Variants in MCF2L2 observed in about 807,000 individuals in gnomAD.
MCF2L2 encodes the protein probable guanine nucleotide exchange factor MCF2L2.
Under a neutral mutation model 150.2 loss-of-function variants are expected in MCF2L2, and 102 were observed. The ratio of observed to expected loss-of-function variants is 0.68; its 90% CI spans 0.58 to 0.80. MCF2L2 has a LOEUF of 0.80. Among genes scored for constraint, MCF2L2 ranks in the 30% least tolerant of loss-of-function variants. The pLI is 0.00. For missense variants in MCF2L2, 1,256 were observed against 1,372.8 expected, an observed-to-expected ratio of 0.91 and a Z score of 1.34; for synonymous variants, 465 against 491.3, an observed-to-expected ratio of 0.95 and a Z score of 0.71.
intron 5 of MCF2L2, among the ~76,000 whole-genome samples, chr3:183,333,961 CA>C (rs57368442): frequency 0.07 from 6,615 of 94,894 alleles, 129 homozygotes; most frequent in East Asian, 0.14. Flanking sequence ...AAGGAAGTGC[CA>C]AAAAAAAAAA....
intron 1 of MCF2L2, among the ~76,000 whole-genome samples, chr3:183,425,009 C>A (rs1054934335): frequency 6.6e-6 from 1 of 151,982 alleles, no homozygotes; most frequent in Non-Finnish European, 1.5e-5. Flanking sequence ...TGACTAGGTG[C>A]AGGTATTATT....
chr3:183,280,740 C>A (rs1470742999), intron 14 of MCF2L2, among the ~76,000 whole-genome samples: 1 of 151,068 alleles, frequency 6.6e-6, no homozygotes, highest in Non-Finnish European at 1.5e-5. Flanking sequence ...CCCAGCTACT[C>A]GGGAGGCTGA....
At chr3:183,324,578 T>C (rs1577064060) in intron 5 of MCF2L2, among the ~76,000 whole-genome samples, 1 of 152,046 alleles carries the variant, frequency 6.6e-6, no homozygotes, top group Non-Finnish European at 1.5e-5. Context: ...GAATATAAAT[T>C]AGAGACCAGC....
Position 183,270,372 on chromosome 3 carries a change from G to A in MCF2L2, c.1862+6500C>T. 2 of 1,614,160 alleles carry A rather than the reference G, an allele frequency of 1.2e-6. No homozygotes were observed. Among genetic ancestry groups the A allele is most frequent in the East Asian group, 2.2e-5 (1 of 44,890 alleles). ...TCCACATGCCAAATTTCTTATGACT[G>A]CTGATGATGACATATTTATTCACAT... On this transcript the variant is annotated intron_variant, in intron 15 of 29. Coordinates refer to ENST00000328913, the MANE Select transcript of MCF2L2 (RefSeq NM_015078.4). This position sits in a 1 kb window ranked among gnomAD's most constrained non-coding sequence, Gnocchi z 4.5.
At chr3:183,183,984 T>A (rs1721613277) in intron 27 of MCF2L2, among the ~76,000 whole-genome samples, 1 of 152,046 alleles carries the variant, frequency 6.6e-6, no homozygotes, top group African/African-American at 2.4e-5. Flanking sequence ...AAATATTCAA[T>A]CTGATTATAG....
rs779803998 is a variant in MCF2L2 at position 183,192,984 on chromosome 3, T to C, written c.3016+15A>G. ...ACTGCTTCTGTGCTCCACTCTCCCA[T>C]GGGACCCTCCCTACCTTTAATCCCT... On this transcript the variant is annotated intron_variant, in intron 27 of 29. Coordinates refer to ENST00000328913, the MANE Select transcript of MCF2L2 (RefSeq NM_015078.4). 1.1e-5 allele frequency: 17 copies of C among 1,606,526 alleles called. No homozygotes were observed. The highest frequency in any genetic ancestry group is 1.4e-5 in the Non-Finnish European group (17 of 1,173,290).
At chr3:183,288,299 A>C (rs1198053232) in intron 14 of MCF2L2, among the ~76,000 whole-genome samples, 1 of 152,112 alleles carries the variant, frequency 6.6e-6, no homozygotes, top group Non-Finnish European at 1.5e-5. Context: ...AATTATATTA[A>C]GTCACATGAG....
chr3:183,322,917 AT>A (rs1421375214), intron 6 of MCF2L2, among the ~76,000 whole-genome samples: 4 of 152,178 alleles, frequency 2.6e-5, no homozygotes, highest in Non-Finnish European at 5.9e-5. Context: ...TCTAAGACCC[AT>A]CCCACATGAA....
chr3:183,425,833 T>C (rs893014170), intron 1 of MCF2L2, among the ~76,000 whole-genome samples: 9 of 152,080 alleles, frequency 5.9e-5, no homozygotes, highest in African/African-American at 2.2e-4. Flanking sequence ...CACATGCCTG[T>C]AATCCCAGCT....
rs991958067 is a variant in MCF2L2, at chr3:183,310,176, C to A, written c.994-341G>T. On this transcript the variant is annotated intron_variant, in intron 9 of 29. Coordinates refer to ENST00000328913, the MANE Select transcript of MCF2L2 (RefSeq NM_015078.4). ...GGAAGTTCGAGGCCAGCCTGGGCAA[C>A]ATAGGGAGACCTCGTCTCTGCAAAA... is the stretch of plus-strand genomic sequence containing the variant. Among the ~76,000 whole-genome samples the A allele has an allele frequency of 1.3e-5, 2 of 151,650 alleles. 1 individual carries two copies. Among genetic ancestry groups the A allele is most frequent in the South Asian group, 4.2e-4 (2 of 4,804 alleles).
In MCF2L2 at chr3:183,313,034, A is replaced by G. The variant is rs148664638; in HGVS notation, c.754-1262T>C. 8.8e-3 allele frequency among the ~76,000 whole-genome samples: 1,339 copies of G among 152,276 alleles called. 77 individuals carry two copies. Among genetic ancestry groups the G allele is most frequent in the Admixed American group, 0.081 (1,233 of 15,294 alleles). ...GTCAGCCCTCATTTCTTATCTCATC[A>G]ATGCTCATGAAATATTTGTAGGTTG... On this transcript the variant is annotated intron_variant, in intron 7 of 29. Transcript: ENST00000328913.
At position 183,276,876 on chromosome 3, in the gene MCF2L2, G is replaced by C; in HGVS notation, c.1858C>G (p.Arg620Gly). Residue 620 changes from arginine to glycine, a missense_variant, in exon 15 of 30, where the codon CGC (arginine) becomes GGC (glycine). By Grantham distance (125) the Arg-to-Gly change is moderately radical (BLOSUM62 -2). Coordinates refer to ENST00000328913, the MANE Select transcript of MCF2L2 (RefSeq NM_015078.4). ...CCCACGGATGTGCAGTCTTACCTGC[G>C]GGGGGAAAGGTCTCCGAGCCTGGCC... is the stretch of plus-strand genomic sequence containing the variant. ...QQARLGDLSP[R>G]RRIIRDLLET... 1 of 1,606,110 alleles carries C rather than the reference G, an allele frequency of 6.2e-7. No homozygotes were observed. Among genetic ancestry groups the C allele is most frequent in the African/African-American group, 1.3e-5 (1 of 74,878 alleles).
chr3:183,404,087 A>C (rs1714914234), intron 1 of MCF2L2, among the ~76,000 whole-genome samples: 1 of 151,458 alleles, frequency 6.6e-6, no homozygotes, highest in Admixed American at 6.6e-5. Context: ...AAAACTGTAG[A>C]ATAAAAAAAC....
intron 10 of MCF2L2, among the ~76,000 whole-genome samples, chr3:183,304,966 T>C (rs1018173315): frequency 6.6e-6 from 1 of 152,212 alleles, no homozygotes; most frequent in Non-Finnish European, 1.5e-5. Flanking sequence ...CCTCTACCTC[T>C]GTAATGTTAA....
chr3:183,232,799 TAGA>T (rs1723619399), intron 15 of MCF2L2, among the ~76,000 whole-genome samples: 1 of 152,228 alleles, frequency 6.6e-6, no homozygotes, highest in East Asian at 1.9e-4. Context: ...TTTCATCTAT[TAGA>T]ATATTAAACA....
Position 183,223,413 on chromosome 3 carries a change from T to C in MCF2L2, c.2234A>G (p.Asn745Ser), listed in dbSNP as rs747428207. The C allele has an allele frequency of 7.4e-6, 12 of 1,614,114 alleles. No individual in the cohort carries two copies. Among genetic ancestry groups the C allele is most frequent in the Non-Finnish European group, 9.3e-6 (11 of 1,179,970 alleles). ...FGVCQRQLDH[N>S]LPLFKYLKGP... The stretch of plus-strand genomic sequence containing the variant: ...TTTGAGATACTTAAAAAGAGGGAGA[T>C]TGTGATCCAGTTGGCGCTGGCATAC... Residue 745 changes from asparagine (N) to serine (S), a missense_variant, in exon 20 of 30, where the codon AAT (asparagine) becomes AGT (serine). Transcript: ENST00000328913.
intron 3 of MCF2L2, among the ~76,000 whole-genome samples, chr3:183,358,224 C>A (rs1711905507): frequency 6.6e-6 from 1 of 151,934 alleles, no homozygotes; most frequent in Admixed American, 6.6e-5. Context: ...CTGGGAGGGG[C>A]AGAGGTTGCA....
At chr3:183,424,603 A>C (rs1441941531) in intron 1 of MCF2L2, among the ~76,000 whole-genome samples, 1 of 152,216 alleles carries the variant, frequency 6.6e-6, no homozygotes, top group Non-Finnish European at 1.5e-5. Context: ...GAGCAGGTTA[A>C]ACAAGCGCAC....
In MCF2L2 at chr3:183,269,901, A is replaced by C. The variant is rs1346382250; in HGVS notation, c.1862+6971T>G. The C allele has an allele frequency of 3.1e-6, 5 of 1,613,926 alleles. No homozygotes were observed. Among genetic ancestry groups the C allele is most frequent in the Non-Finnish European group, 3.4e-6 (4 of 1,180,012 alleles). ...GAGCCTCATGTTTTTTTGGGAACCAATCGATAATCACATTGTGAGCCATAT... is the reference window on the plus strand; with the variant it reads ...GAGCCTCATGTTTTTTTGGGAACCACTCGATAATCACATTGTGAGCCATAT... On this transcript the variant is annotated intron_variant, in intron 15 of 29. Coordinates refer to ENST00000328913, the MANE Select transcript of MCF2L2 (RefSeq NM_015078.4).
Sources: allele counts gnomAD v4.1 joint callset (sites outside exome capture counted in the v4.1 genomes callset), GRCh38; gene constraint gnomAD v4.1.1; non-coding constraint Gnocchi (gnomAD v3.1); transcripts MANE v1.5; gene names NCBI Gene and HGNC (gene_info 2026-07-23, HGNC 2026-07-21).